Variants in ARID5A observed in about 807,000 individuals in gnomAD.
ARID5A encodes AT-rich interactive domain-containing protein 5A.
Under a neutral mutation model 30.5 loss-of-function variants are expected in ARID5A, and 14 were observed. That is an observed-to-expected ratio of 0.46 (90% CI 0.30 to 0.72). The LOEUF is 0.72. Ranked by LOEUF, ARID5A falls within the 30% of genes least tolerant of loss-of-function variation. ARID5A has a pLI of 0.07. For synonymous variants in ARID5A, 338 were observed against 340.4 expected, an observed-to-expected ratio of 0.99 and a Z score of 0.08; for missense variants, 669 against 786.2, an observed-to-expected ratio of 0.85 and a Z score of 1.78.
chr2:96,538,022 G>C, intron 1 of ARID5A: 3 of 985,540 alleles, frequency 3.0e-6, no homozygotes, highest in Non-Finnish European at 3.6e-6. Flanking sequence ...AGGAGGGGTG[G>C]GAGGTCGGGG....
intron 1 of ARID5A, among the ~76,000 whole-genome samples, chr2:96,541,890 CA>C (rs1489802139): frequency 1.3e-5 from 2 of 152,234 alleles, no homozygotes; most frequent in African/African-American, 4.8e-5. Flanking sequence ...CAGCAGCTAT[CA>C]GGGGCAAGTG....
chr2:96,552,596 C>T lies in ARID5A; in HGVS notation c.*283C>T, dbSNP rs2066077342. 1 of 1,468,776 alleles carries T rather than the reference C, an allele frequency of 6.8e-7. No individual in the cohort carries two copies. The highest frequency in any genetic ancestry group is 9.0e-7 in the Non-Finnish European group (1 of 1,111,150). 91.0% of individuals were successfully genotyped at this position (1,468,776 alleles called of 1,614,324 possible). ...GCGGAGCTCGAAGCACCCAGGTTGC[C>T]CACGGAAAATCCAATAAAAAGACAC... On this transcript the variant is annotated 3_prime_UTR_variant, in exon 7 of 7. Transcript: ENST00000357485.
rs866734068 is a variant in ARID5A at position 96,551,378 on chromosome 2, G to T, written c.850G>T (p.Ala284Ser). The T allele has an allele frequency of 6.2e-7, 1 of 1,611,892 alleles. No homozygotes were observed. Among genetic ancestry groups the T allele is most frequent in the Non-Finnish European group, 8.5e-7 (1 of 1,179,572 alleles). The change falls in exon 7 of 7, where the codon GCA becomes TCA. Residue 284 changes from alanine (A) to serine (S), a missense_variant. Physicochemically the swap from Ala to Ser is moderately conservative, Grantham distance 99. Coordinates refer to ENST00000357485, the MANE Select transcript of ARID5A (RefSeq NM_212481.3). ...QCQEEGCRHG[A>S]EPQASPAVHL... Reference sequence around the variant, plus strand: ...CCAGGAGGAGGGCTGCCGCCATGGGGCAGAGCCCCAGGCGTCCCCAGCTGT... The same window carrying T: ...CCAGGAGGAGGGCTGCCGCCATGGGTCAGAGCCCCAGGCGTCCCCAGCTGT...
Position 96,552,579 on chromosome 2 carries a change from C to G in ARID5A, c.*266C>G. 1 of 1,495,084 alleles carries G rather than the reference C, an allele frequency of 6.7e-7. No individual in the cohort carries two copies. The highest frequency in any genetic ancestry group is 2.5e-5 in the East Asian group (1 of 39,398). The allele number at this position is 1,495,084 out of a possible 1,614,324, so 92.6% of individuals were successfully genotyped here. A position where few individuals can be genotyped will look rare whatever the true frequency, so the allele number is the denominator to read the frequency against. Reference sequence around the variant, plus strand: ...GCTCCCACTGCCCCAGAGCGGAGCTCGAAGCACCCAGGTTGCCCACGGAAA... The same window carrying G: ...GCTCCCACTGCCCCAGAGCGGAGCTGGAAGCACCCAGGTTGCCCACGGAAA... On this transcript the variant is annotated 3_prime_UTR_variant, in exon 7 of 7. Coordinates refer to ENST00000357485, the MANE Select transcript of ARID5A (RefSeq NM_212481.3).
At position 96,539,078 on chromosome 2, in the gene ARID5A, A is replaced by G. The variant is rs1051010680; in HGVS notation, c.4+2248A>G. Among the ~76,000 whole-genome samples the G allele has an allele frequency of 1.3e-5, 2 of 151,984 alleles. No homozygotes were observed. The highest frequency in any genetic ancestry group is 2.9e-5 in the Non-Finnish European group (2 of 67,996). Reference sequence around the variant, plus strand: ...GGGCAGCGAGGTGCCTTGGGGAGGGAGCAGGACAGGCAGGCCTCTGATCTT... The same window carrying G: ...GGGCAGCGAGGTGCCTTGGGGAGGGGGCAGGACAGGCAGGCCTCTGATCTT... On this transcript the variant is annotated intron_variant, in intron 1 of 6. Transcript: ENST00000357485. This position sits in a 1 kb window ranked among gnomAD's most constrained non-coding sequence, Gnocchi z 4.7.
chr2:96,551,997 C>T lies in ARID5A; in HGVS notation c.1469C>T (p.Pro490Leu). The change falls in exon 7 of 7, where the codon CCA (proline) becomes CTA (leucine). Residue 490 changes from proline (P) to leucine (L), a missense_variant. Transcript: ENST00000357485. The stretch of plus-strand genomic sequence containing the variant: ...GGCCTGGTCTCCTGCCTTCTGGGCC[C>T]AGCCCTGGGGCCTGTGCCCCCAGAG... ...GSGLVSCLLGPALGPVPPEAY... is the reference protein window; with the variant it reads ...GSGLVSCLLGLALGPVPPEAY... 1 of 1,519,474 alleles carries T rather than the reference C, an allele frequency of 6.6e-7. No individual in the cohort carries two copies. The highest frequency in any genetic ancestry group is 8.8e-7 in the Non-Finnish European group (1 of 1,134,556). The allele number at this position is 1,519,474 out of a possible 1,614,324, so 94.1% of individuals were successfully genotyped here.
chr2:96,550,395 G>A lies in ARID5A; in HGVS notation c.410+110G>A, dbSNP rs573624162. On this transcript the variant is annotated intron_variant, in intron 5 of 6. Coordinates refer to ENST00000357485, the MANE Select transcript of ARID5A (RefSeq NM_212481.3). The surrounding 1 kb of genome is among the most constrained non-coding windows in gnomAD (Gnocchi z 6.6). ...GCCCGGAGCGGGCAGGGTATGCGCC[G>A]TCCTCAGAGCTGCGGGAGCCCAGGC... The A allele has an allele frequency of 9.1e-6, 13 of 1,432,306 alleles. No homozygotes were observed. The African/African-American group carries it at 1.6e-4, about 17-fold the overall frequency. The allele number at this position is 1,432,306 out of a possible 1,614,324, so 88.7% of individuals were successfully genotyped here. A position where few individuals can be genotyped will look rare whatever the true frequency, so the allele number is the denominator to read the frequency against.
At chr2:96,538,565 C>G (rs1264611178) in intron 1 of ARID5A, among the ~76,000 whole-genome samples, 3 of 152,238 alleles carry the variant, frequency 2.0e-5, no homozygotes, top group Non-Finnish European at 2.9e-5. Flanking sequence ...CTGGCTCCAG[C>G]TCAACACTTG....
chr2:96,551,083 C>T lies in ARID5A; in HGVS notation c.571-16C>T, dbSNP rs754922789. ...GGGCTGAGGCAGTCCTGAGGCAAGA[C>T]TTTCTCTCATTCCAGATGATGCCAG... On this transcript the variant is annotated splice_polypyrimidine_tract_variant and intron_variant, in intron 6 of 6. Coordinates refer to ENST00000357485, the MANE Select transcript of ARID5A (RefSeq NM_212481.3). 8.2e-5 allele frequency: 131 copies of T among 1,600,030 alleles called. No individual in the cohort carries two copies. Among genetic ancestry groups the T allele is most frequent in the Non-Finnish European group, 1.1e-4 (124 of 1,172,380 alleles).
rs764589204 is a variant in ARID5A, at chr2:96,551,606, A to G, written c.1078A>G (p.Arg360Gly). 6.4e-7 allele frequency: 1 copy of G among 1,562,532 alleles called. No homozygotes were observed. The highest frequency in any genetic ancestry group is 8.6e-7 in the Non-Finnish European group (1 of 1,159,368). ...EVLKPVSQHPRDFFSRLKDGV... is the reference protein window; with the variant it reads ...EVLKPVSQHPGDFFSRLKDGV... ...GCTGAAGCCTGTCAGCCAGCACCCC[A>G]GGGACTTCTTCTCTAGACTTAAAGA... The change falls in exon 7 of 7, where the codon AGG (arginine) becomes GGG (glycine). Residue 360 changes from arginine (R) to glycine (G), a missense_variant. Physicochemically the swap from Arg to Gly is moderately radical, Grantham distance 125. Coordinates refer to ENST00000357485, the MANE Select transcript of ARID5A (RefSeq NM_212481.3).
intron 1 of ARID5A, among the ~76,000 whole-genome samples, chr2:96,545,487 C>T (rs1056600267): frequency 6.6e-6 from 1 of 151,966 alleles, no homozygotes; most frequent in African/African-American, 2.4e-5. Flanking sequence ...AATCTACTGG[C>T]GAAGATGCTG....
Position 96,551,794 on chromosome 2 carries a change from C to A in ARID5A, c.1266C>A (p.Ala422=). The part of the protein sequence containing the change: ...KPKACWVSPM[A]KVPAESPTLP... ...AAGCCTGCTGGGTGTCCCCCATGGC[C>A]AAGGTCCCAGCCGAGAGCCCCACGC... The change falls in exon 7 of 7, where the codon GCC becomes GCA. Residue 422 remains alanine, a synonymous_variant. Transcript: ENST00000357485. 1 of 1,567,608 alleles carries A rather than the reference C, an allele frequency of 6.4e-7. No homozygotes were observed. The highest frequency in any genetic ancestry group is 8.6e-7 in the Non-Finnish European group (1 of 1,160,808).
Position 96,547,484 on chromosome 2 carries a change from G to A in ARID5A, c.87G>A (p.Lys29=). The change falls in exon 2 of 7, where the codon AAG becomes AAA. Residue 29 remains lysine, a synonymous_variant. Transcript: ENST00000357485. The part of the protein sequence containing the change: ...DPPASPKPAG[K]QNGIQNPISL... Reference sequence around the variant, plus strand: ...CTGCATCCCCCAAACCTGCTGGCAAGCAGAACGGAATCCAGAACCCCATCT... The same window carrying A: ...CTGCATCCCCCAAACCTGCTGGCAAACAGAACGGAATCCAGAACCCCATCT... 1 of 1,614,040 alleles carries A rather than the reference G, an allele frequency of 6.2e-7. No individual in the cohort carries two copies. The highest frequency in any genetic ancestry group is 8.5e-7 in the Non-Finnish European group (1 of 1,179,986).
Position 96,552,308 on chromosome 2 carries a change from C to T in ARID5A, c.1780C>T (p.Leu594=). The change falls in exon 7 of 7, where the codon CTG becomes TTG. Residue 594 remains leucine (L), a synonymous_variant. Transcript: ENST00000357485. ...APHFFHLNTK[L] Reference sequence around the variant, plus strand: ...CCACTTCTTCCACCTCAACACCAAGCTGTAGGCCAGCCCATGGTGTTGTGT... The same window carrying T: ...CCACTTCTTCCACCTCAACACCAAGTTGTAGGCCAGCCCATGGTGTTGTGT... The T allele has an allele frequency of 1.2e-6, 2 of 1,613,362 alleles. No homozygotes were observed. Among genetic ancestry groups the T allele is most frequent in the Non-Finnish European group, 1.7e-6 (2 of 1,179,994 alleles).
At chr2:96,548,894 C>G (rs2104698676) in intron 2 of ARID5A, among the ~76,000 whole-genome samples, 1 of 152,344 alleles carries the variant, frequency 6.6e-6, no homozygotes, top group South Asian at 2.1e-4. Context: ...CACCTTTGTT[C>G]CTTCAGCTTT....
chr2:96,548,364 C>T (rs2065965733), intron 2 of ARID5A, among the ~76,000 whole-genome samples: 1 of 152,132 alleles, frequency 6.6e-6, no homozygotes. Flanking sequence ...CTCCTGGGTT[C>T]AAATGATTCT....
rs146447310 is a variant in ARID5A at position 96,545,339 on chromosome 2, T to G, written c.5-2063T>G. Among the ~76,000 whole-genome samples the G allele has an allele frequency of 9.9e-4, 150 of 151,984 alleles. 1 individual carries two copies. Among genetic ancestry groups the G allele is most frequent in the African/African-American group, 3.5e-3 (144 of 41,476 alleles). On this transcript the variant is annotated intron_variant, in intron 1 of 6. Transcript: ENST00000357485. Reference sequence around the variant, plus strand: ...ACCCAGCTGACTTTTGTGTTTTTAGTAGAGACAGGGTTTCGCCACGTTGGC... The same window carrying G: ...ACCCAGCTGACTTTTGTGTTTTTAGGAGAGACAGGGTTTCGCCACGTTGGC...
Position 96,551,752 on chromosome 2 carries a change from C to G in ARID5A, c.1224C>G (p.Ile408Met), listed in dbSNP as rs1471755037. ...AFHKGGSRKG[I>M]LYPKPKACWV... Reference sequence around the variant, plus strand: ...ATAAAGGTGGCTCCAGAAAGGGCATCCTCTACCCCAAGCCCAAAGCCTGCT... The same window carrying G: ...ATAAAGGTGGCTCCAGAAAGGGCATGCTCTACCCCAAGCCCAAAGCCTGCT... Residue 408 changes from isoleucine to methionine, a missense_variant, in exon 7 of 7, where the codon ATC becomes ATG. Ile to Met is a conservative substitution (Grantham distance 10). This residue lies in a region of ARID5A where 548 missense variants were observed against 577.4 expected (regional missense o/e 0.95). Coordinates refer to ENST00000357485, the MANE Select transcript of ARID5A (RefSeq NM_212481.3). 1.3e-6 allele frequency: 2 copies of G among 1,526,592 alleles called. No individual in the cohort carries two copies. The highest frequency in any genetic ancestry group is 2.8e-5 in the African/African-American group (2 of 71,768). 94.6% of individuals were successfully genotyped at this position (1,526,592 alleles called of 1,614,324 possible). A position where few individuals can be genotyped will look rare whatever the true frequency, so the allele number is the denominator to read the frequency against.
At position 96,550,876 on chromosome 2, in the gene ARID5A, C is replaced by A; in HGVS notation, c.570+143C>A. On this transcript the variant is annotated intron_variant, in intron 6 of 6. Transcript: ENST00000357485. This position sits in a 1 kb window ranked among gnomAD's most constrained non-coding sequence, Gnocchi z 6.6. ...GGGACTTGCAAGGTTCCAGGTTCTC[C>A]ACAGATGGTTGTGCAAGTGGACTCT... 9 of 1,302,136 alleles carry A rather than the reference C, an allele frequency of 6.9e-6. No individual in the cohort carries two copies. Among genetic ancestry groups the A allele is most frequent in the Non-Finnish European group, 9.3e-6 (9 of 971,564 alleles). The allele number at this position is 1,302,136 out of a possible 1,614,324, so 80.7% of individuals were successfully genotyped here. A position where few individuals can be genotyped will look rare whatever the true frequency, so the allele number is the denominator to read the frequency against.
Sources: allele counts gnomAD v4.1 joint callset (sites outside exome capture counted in the v4.1 genomes callset), GRCh38; gene constraint gnomAD v4.1.1; regional missense constraint gnomAD v4.1.1; non-coding constraint Gnocchi (gnomAD v3.1); transcripts MANE v1.5; gene names NCBI Gene and HGNC (gene_info 2026-07-23, HGNC 2026-07-21).